Variants in SSBP3 observed in about 807,000 individuals in gnomAD.
SSBP3 encodes the protein single-stranded DNA-binding protein 3.
A neutral mutation model predicts 69.6 loss-of-function variants in SSBP3; 5 were observed. The observed-to-expected ratio is 0.07, with a 90% CI of 0.04 to 0.15. The LOEUF (loss-of-function observed/expected upper bound fraction) is 0.15. SSBP3 is among the 10% of genes least tolerant of loss of function. The pLI is 1.00. For synonymous variants in SSBP3, 196 were observed against 193.4 expected (o/e 1.01, Z -0.11); for missense variants, 312 against 534.0 (o/e 0.58, Z 4.10).
At chr1:54,246,332 C>G (rs1274239116) in intron 9 of SSBP3, among the ~76,000 whole-genome samples, 1 of 152,208 alleles carries the variant, frequency 6.6e-6, no homozygotes, top group African/African-American at 2.4e-5. Flanking sequence ...TGCTCCAGGA[C>G]AAGCAGCTTG....
intron 4 of SSBP3, among the ~76,000 whole-genome samples, chr1:54,303,990 C>T (rs879139205): frequency 6.6e-6 from 1 of 152,176 alleles, no homozygotes; most frequent in Admixed American, 6.5e-5. Flanking sequence ...GCACTGCCTC[C>T]ACGTGTTTGC....
intron 1 of SSBP3, among the ~76,000 whole-genome samples, 196 bp downstream of exon 1, chr1:54,405,757 C>T (rs1255986918): frequency 6.6e-6 from 1 of 151,340 alleles, no homozygotes; most frequent in African/African-American, 2.4e-5. Context: ...CCCCAACCTC[C>T]GCCGGCTCCC....
chr1:54,250,438 G>T (rs1333901991), intron 9 of SSBP3, among the ~76,000 whole-genome samples: 1 of 151,730 alleles, frequency 6.6e-6, no homozygotes. Flanking sequence ...GGATGGAGCA[G>T]AGGGCTGTGG....
At chr1:54,383,732 C>A (rs2100736101) in intron 4 of SSBP3, among the ~76,000 whole-genome samples, 1 of 152,298 alleles carries the variant, frequency 6.6e-6, no homozygotes, top group South Asian at 2.1e-4. Flanking sequence ...ATTAACACCC[C>A]ACTAAGACAC....
intron 4 of SSBP3, among the ~76,000 whole-genome samples, chr1:54,294,977 T>A (rs1319385173): frequency 6.6e-6 from 1 of 152,040 alleles, no homozygotes; most frequent in Non-Finnish European, 1.5e-5. Context: ...CTAGGGACTG[T>A]CCCTTACAGC....
At chr1:54,405,670 G>A (rs181420665) in intron 1 of SSBP3, among the ~76,000 whole-genome samples, 3,924 of 151,586 alleles carry the variant, frequency 0.026, 88 homozygotes, top group Non-Finnish European at 0.034. Context: ...CACTCACCGC[G>A]GGCCCCCGCG....
intron 5 of SSBP3, among the ~76,000 whole-genome samples, chr1:54,260,689 A>G (rs3766437): frequency 0.41 from 62,413 of 152,094 alleles, 12,969 homozygotes; most frequent in South Asian, 0.48. Context: ...GCTGACAAGC[A>G]GTAAGGATGG....
chr1:54,324,877 C>T (rs17110390), intron 4 of SSBP3, among the ~76,000 whole-genome samples: 9 of 152,108 alleles, frequency 5.9e-5, no homozygotes, highest in East Asian at 1.9e-4. Context: ...TCAAGATACA[C>T]GGCCTGACAT....
At chr1:54,412,233 G>A (rs1479236507) in intron 1 of SSBP3, among the ~76,000 whole-genome samples, 1 of 152,050 alleles carries the variant, frequency 6.6e-6, no homozygotes, top group Non-Finnish European at 1.5e-5. Flanking sequence ...GGAGGCTGAG[G>A]CAGAAGAATC....
intron 4 of SSBP3, among the ~76,000 whole-genome samples, chr1:54,298,088 G>A (rs1645733109): frequency 6.6e-6 from 1 of 152,198 alleles, no homozygotes; most frequent in South Asian, 2.1e-4. Context: ...GCCTCCGGGT[G>A]CAGGTCAGGG....
intron 4 of SSBP3, among the ~76,000 whole-genome samples, chr1:54,396,694 C>T (rs2100791834): frequency 6.6e-6 from 1 of 152,272 alleles, no homozygotes; most frequent in East Asian, 1.9e-4. Flanking sequence ...TCCAAGTTTG[C>T]AAATGCTTAG....
At position 54,310,107 on chromosome 1, in the gene SSBP3, G is replaced by A. The variant is rs576102459; in HGVS notation, c.277-28580C>T. ...TATCCCAGCAACTCCAAGGGCCCCA[G>A]CACCAGGGAGCATGTCCCGAGCAGG... is the stretch of plus-strand genomic sequence containing the variant. On this transcript the variant is annotated intron_variant, in intron 4 of 17. Transcript: ENST00000610401. Among the ~76,000 whole-genome samples, 296 of 152,286 alleles carry A rather than the reference G, an allele frequency of 1.9e-3. 1 individual carries two copies. Among genetic ancestry groups the A allele is most frequent in the African/African-American group, 7.1e-3 (295 of 41,562 alleles).
intron 15 of SSBP3, 121 bp from the exon 16 acceptor site, chr1:54,228,598 G>A (rs576167863): frequency 1.3e-6 from 2 of 1,494,108 alleles, no homozygotes; most frequent in African/African-American, 1.4e-5. Context: ...TGTGCGGAGG[G>A]CTTTCTGTGC....
chr1:54,285,570 A>G (rs1645473800), intron 4 of SSBP3: 1 of 152,172 alleles, frequency 6.6e-6, no homozygotes, highest in African/African-American at 2.4e-5. Flanking sequence ...CAGTGGCCCA[A>G]TCATGATTAC....
chr1:54,342,945 G>A (rs998693906), intron 4 of SSBP3, among the ~76,000 whole-genome samples: 2 of 152,206 alleles, frequency 1.3e-5, no homozygotes, highest in African/African-American at 4.8e-5. Context: ...CAGATGGGGA[G>A]TCCTAAAATA....
At chr1:54,248,658 G>A (rs1381825360) in intron 9 of SSBP3, among the ~76,000 whole-genome samples, 7 of 152,150 alleles carry the variant, frequency 4.6e-5, no homozygotes, top group Non-Finnish European at 1.5e-5. Flanking sequence ...AGATGAGCCC[G>A]TAGGTGACCA....
At chr1:54,406,116 G>C (rs1305637412) in exon 1 of SSBP3, 2 of 865,264 alleles carry the variant, frequency 2.3e-6, no homozygotes, top group Non-Finnish European at 3.2e-6. Flanking sequence ...CCCGGCGCTC[G>C]CTCGCTCTCT....
chr1:54,350,793 A>G (rs1354949442), intron 4 of SSBP3, among the ~76,000 whole-genome samples: 1 of 152,184 alleles, frequency 6.6e-6, no homozygotes, highest in Non-Finnish European at 1.5e-5. Flanking sequence ...ACGTGTAAAT[A>G]AACTCAAGAG....
chr1:54,341,651 T>C (rs1388082190), intron 4 of SSBP3, among the ~76,000 whole-genome samples: 1 of 151,860 alleles, frequency 6.6e-6, no homozygotes, highest in Non-Finnish European at 1.5e-5. Flanking sequence ...TAAAATATGT[T>C]AATTCCTTTA....
Sources: gnomAD v4.1 joint callset for allele counts (sites outside exome capture counted in the v4.1 genomes callset) on GRCh38, gnomAD v4.1.1 for gene constraint, MANE v1.5 for transcripts, NCBI Gene and HGNC (gene_info 2026-07-23, HGNC 2026-07-21) for gene names.